The following CENPE variants were observed in gnomAD, a reference collection of about 807,000 sequenced individuals.
CENPE encodes the protein centromere protein E.
In CENPE, 145 loss-of-function variants were observed where a neutral mutation model predicts 336.1. The ratio of observed to expected loss-of-function variants is 0.43; its 90% confidence interval spans 0.38 to 0.50. The LOEUF (loss-of-function observed/expected upper bound fraction) is 0.50, where lower values mean the gene tolerates loss of function less well. Among genes scored for constraint, CENPE ranks in the 20% least tolerant of loss-of-function variants. CENPE has a pLI of 0.00. For synonymous variants in CENPE, 1,013 were observed against 984.8 expected (o/e 1.03, Z -0.54); for missense variants, 2,719 against 3,023.3 (o/e 0.90, Z 2.36).
chr4:103,115,731 CTTTTT>C (rs749115745), intron 45 of CENPE, among the ~76,000 whole-genome samples: 1 of 138,030 alleles, frequency 7.2e-6, no homozygotes, highest in Non-Finnish European at 1.6e-5. Flanking sequence ...GAACATATTT[CTTTTT>C]TTTTTTTTTT....
chr4:103,143,552 A>T lies in CENPE; in HGVS notation c.5146-146T>A, dbSNP rs552967634. ...CTCTAAGCTACTTTTAGATGTCAAT[A>T]CATTCTAGATACACTATTCCTGAAC... On this transcript the variant is annotated intron_variant, in intron 33 of 48. Coordinates refer to ENST00000265148, the MANE Select transcript of CENPE (RefSeq NM_001813.3). 9.7e-6 allele frequency: 6 copies of T among 620,562 alleles called. No individual in the cohort carries two copies. The South Asian group carries it at 1.0e-4, about 10-fold the overall frequency. 38.4% of individuals were successfully genotyped at this position (620,562 alleles called of 1,614,324 possible).
chr4:103,155,923 C>T (rs1753925052), intron 24 of CENPE, among the ~76,000 whole-genome samples: 1 of 152,078 alleles, frequency 6.6e-6, no homozygotes, highest in African/African-American at 2.4e-5. Context: ...CATGACTGTA[C>T]AAACATCAGT....
intron 42 of CENPE, among the ~76,000 whole-genome samples, chr4:103,126,682 A>G (rs916801973): frequency 2.0e-5 from 3 of 152,250 alleles, no homozygotes; most frequent in Non-Finnish European, 4.4e-5. Flanking sequence ...TTAGTGGAAA[A>G]AGCAGACGAC....
At chr4:103,180,241 T>C (rs1039186586) in intron 13 of CENPE, 70 bp downstream of exon 13, 3 of 1,407,930 alleles carry the variant, frequency 2.1e-6, no homozygotes, top group Non-Finnish European at 2.9e-6. Context: ...GCATACTATA[T>C]AATAAACATA....
rs1361665097 is a variant in CENPE at position 103,141,678 on chromosome 4, A to G, written c.5463+72T>C. 4 of 1,138,256 alleles carry G rather than the reference A, an allele frequency of 3.5e-6. No individual in the cohort carries two copies. In the African/African-American group the frequency reaches 4.7e-5, roughly 13 times the overall value. The allele number at this position is 1,138,256 out of a possible 1,614,324, so 70.5% of individuals were successfully genotyped here. On this transcript the variant is annotated intron_variant, in intron 35 of 48. Coordinates refer to ENST00000265148, the MANE Select transcript of CENPE (RefSeq NM_001813.3). The stretch of plus-strand genomic sequence containing the variant: ...AGGTGTTTTCCAGTGTGGTTGAACC[A>G]TTTTATATCCCCAACAATTTTAGGC...
intron 39 of CENPE, among the ~76,000 whole-genome samples, chr4:103,137,065 T>A (rs900263637): frequency 6.6e-6 from 1 of 152,196 alleles, no homozygotes; most frequent in Non-Finnish European, 1.5e-5. Context: ...GACAAAATTA[T>A]GTTTATAAAC....
At chr4:103,196,931 T>A (rs898327038) in intron 1 of CENPE, 81 bp from the exon 2 acceptor site, 2 of 716,262 alleles carry the variant, frequency 2.8e-6, no homozygotes, top group Non-Finnish European at 5.0e-6. Flanking sequence ...TTTCACCTGC[T>A]AAAGAATATT....
At chr4:103,134,866 A>C (rs548744531) in intron 40 of CENPE, among the ~76,000 whole-genome samples, 1 of 152,278 alleles carries the variant, frequency 6.6e-6, no homozygotes, top group East Asian at 1.9e-4. Flanking sequence ...AACCTCTTAT[A>C]ATCTGGTCTC....
chr4:103,127,913 T>G (rs1751266323), intron 42 of CENPE, among the ~76,000 whole-genome samples: 2 of 152,116 alleles, frequency 1.3e-5, no homozygotes, highest in Admixed American at 1.3e-4. Flanking sequence ...TGGTAGATAT[T>G]AATCCAATTA....
chr4:103,142,559 C>T (rs1752653265), intron 34 of CENPE, among the ~76,000 whole-genome samples: 1 of 152,186 alleles, frequency 6.6e-6, no homozygotes, highest in South Asian at 2.1e-4. Flanking sequence ...CATCATTTTC[C>T]TTAGTAACAA....
At chr4:103,198,165 G>T in intron 1 of CENPE, 99 bp downstream of exon 1, 1 of 1,178,972 alleles carries the variant, frequency 8.5e-7, no homozygotes, top group Non-Finnish European at 1.2e-6. Context: ...AGCAGAGCCG[G>T]GAAGCAGCGG....
chr4:103,176,042 C>T lies in CENPE; in HGVS notation c.1397G>A (p.Cys466Tyr). 1 of 1,585,198 alleles carries T rather than the reference C, an allele frequency of 6.3e-7. No individual in the cohort carries two copies. Residue 466 changes from cysteine to tyrosine, a missense_variant, in exon 15 of 49, where the codon TGT becomes TAT. Cys to Tyr is a radical substitution (Grantham distance 194). Around this residue, in one of 5 missense-constraint regions of CENPE, gnomAD observed 2,437 missense variants for 2,513.3 expected, o/e 0.97. Coordinates refer to ENST00000265148, the MANE Select transcript of CENPE (RefSeq NM_001813.3). ...NLLREIDESV[C>Y]SESDVFSNTL... ...GTTACTGAAAACATCAGACTCTGAA[C>T]AGACAGCTATAATTAGAGAAAAAAA...
intron 48 of CENPE, among the ~76,000 whole-genome samples, chr4:103,107,338 T>C (rs1028158375): frequency 1.3e-5 from 2 of 152,244 alleles, no homozygotes; most frequent in Non-Finnish European, 2.9e-5. Context: ...TTTTAGACTG[T>C]CAACTTGATC....
intron 13 of CENPE, among the ~76,000 whole-genome samples, chr4:103,178,881 A>G (rs1371190519): frequency 6.6e-6 from 1 of 152,178 alleles, no homozygotes; most frequent in African/African-American, 2.4e-5. Context: ...TTCTCTCAAC[A>G]TGCAACCAGA....
Position 103,147,511 on chromosome 4 carries a change from C to T in CENPE, c.3979G>A (p.Glu1327Lys). The change falls in exon 29 of 49, where the codon GAA (glutamate) becomes AAA (lysine). Residue 1327 changes from glutamate (E) to lysine (K), a missense_variant. By Grantham distance (56) the Glu-to-Lys change is moderately conservative. Around this residue, in one of 5 missense-constraint regions of CENPE, gnomAD observed 2,437 missense variants for 2,513.3 expected, o/e 0.97. Coordinates refer to ENST00000265148, the MANE Select transcript of CENPE (RefSeq NM_001813.3). ...TKDSTTLARI[E>K]MERLRLNEKF... is the part of the protein sequence containing the mutation. Reference sequence around the variant, plus strand: ...TCATTCAACCTGAGCCTTTCCATTTCTATTCTTGCCAGTGTTGTTGAGTCC... The same window carrying T: ...TCATTCAACCTGAGCCTTTCCATTTTTATTCTTGCCAGTGTTGTTGAGTCC... The T allele has an allele frequency of 2.5e-6, 4 of 1,614,078 alleles. No homozygotes were observed. Among genetic ancestry groups the T allele is most frequent in the Non-Finnish European group, 3.4e-6 (4 of 1,180,018 alleles).
At chr4:103,172,815 T>C (rs925923974) in intron 16 of CENPE, among the ~76,000 whole-genome samples, 7 of 151,388 alleles carry the variant, frequency 4.6e-5, no homozygotes, top group African/African-American at 1.7e-4. Flanking sequence ...TCCAAGGAGG[T>C]GTCAGATCTC....
At chr4:103,175,112 T>C (rs2126006281) in intron 15 of CENPE, among the ~76,000 whole-genome samples, 1 of 152,170 alleles carries the variant, frequency 6.6e-6, no homozygotes, top group African/African-American at 2.4e-5. Flanking sequence ...TGTTTGCCTG[T>C]GCCTGACAGG....
intron 16 of CENPE, among the ~76,000 whole-genome samples, chr4:103,173,915 G>A (rs1225644510): frequency 6.6e-6 from 1 of 151,842 alleles, no homozygotes; most frequent in Non-Finnish European, 1.5e-5. Context: ...TATACTGTTG[G>A]TAGGAATATA....
chr4:103,141,083 C>A lies in CENPE; in HGVS notation c.5485G>T (p.Glu1829Ter). 1 of 1,567,976 alleles carries A rather than the reference C, an allele frequency of 6.4e-7. No individual in the cohort carries two copies. Among genetic ancestry groups the A allele is most frequent in the South Asian group, 1.2e-5 (1 of 84,748 alleles). ...TTTTTTAACGTAATAAGTTGATGTT[C>A]ATTTGCCTTAAGTTCTTGAATCTTA... is the stretch of plus-strand genomic sequence containing the variant. ...QEKIQELKANEHQLITLKKDV... is the reference protein window; with the variant it reads ...QEKIQELKAN Residue 1829 changes from glutamate (E) to a stop codon, truncating the protein, a stop_gained, in exon 36 of 49, where the codon GAA becomes TAA. Transcript: ENST00000265148. LOFTEE classifies it high-confidence loss of function.
Sources: allele counts gnomAD v4.1 joint callset (sites outside exome capture counted in the v4.1 genomes callset), GRCh38; gene constraint gnomAD v4.1.1; regional missense constraint gnomAD v4.1.1; transcripts MANE v1.5; gene names NCBI Gene and HGNC (gene_info 2026-07-23, HGNC 2026-07-21).